CAMK2B: variants seen among roughly 807,000 people sequenced by gnomAD.
The protein encoded by CAMK2B is calcium/calmodulin dependent protein kinase II beta.
Under a neutral mutation model 93.7 loss-of-function variants are expected in CAMK2B, and 27 were observed. That is an observed-to-expected ratio of 0.29 (90% CI 0.21 to 0.40). CAMK2B has a LOEUF of 0.40. CAMK2B is among the 10% of genes least tolerant of loss of function. CAMK2B has a pLI of 1.00. For missense variants in CAMK2B, 568 were observed against 895.8 expected (o/e 0.63, Z 4.67); for synonymous variants, 374 against 358.8 (o/e 1.04, Z -0.48).
chr7:44,304,613 G>A (rs113202647), intron 1 of CAMK2B, among the ~76,000 whole-genome samples: 1,588 of 152,304 alleles, frequency 0.01, 10 homozygotes, highest in South Asian at 0.017. Context: ...GAGACAAATA[G>A]GTGGAGCACA....
chr7:44,246,435 CCA>C (rs1000050549), intron 6 of CAMK2B, among the ~76,000 whole-genome samples: 4 of 152,026 alleles, frequency 2.6e-5, no homozygotes, highest in South Asian at 2.1e-4. Flanking sequence ...ACACACATGC[CCA>C]CACAGACACA....
intron 1 of CAMK2B, among the ~76,000 whole-genome samples, chr7:44,321,861 G>A (rs1796156043): frequency 6.6e-6 from 1 of 152,214 alleles, no homozygotes. Context: ...CCTGAGGAAT[G>A]GCAGCACCCA....
intron 1 of CAMK2B, among the ~76,000 whole-genome samples, chr7:44,315,334 T>C (rs1309558841): frequency 6.6e-6 from 1 of 152,238 alleles, no homozygotes; most frequent in Admixed American, 6.5e-5. Flanking sequence ...GGACCGTTAT[T>C]CTTCTCCACT....
At chr7:44,244,961 G>C (rs1317750047) in intron 6 of CAMK2B, 1 of 456,012 alleles carries the variant, frequency 2.2e-6, no homozygotes, top group Non-Finnish European at 4.4e-6. Context: ...ACAGGCCACT[G>C]GACATGGTGA....
intron 2 of CAMK2B, among the ~76,000 whole-genome samples, chr7:44,277,424 G>A (rs1400829544): frequency 6.6e-6 from 1 of 152,192 alleles, no homozygotes; most frequent in African/African-American, 2.4e-5. Context: ...GTGTCCGCGT[G>A]GCCGAGTATT....
chr7:44,236,595 C>T (rs551933641), intron 13 of CAMK2B, among the ~76,000 whole-genome samples: 30 of 152,312 alleles, frequency 2.0e-4, no homozygotes, highest in Non-Finnish European at 3.5e-4. Flanking sequence ...TGAAAACCCT[C>T]CCCCTCGCTG....
At chr7:44,221,723 C>A (rs1272381160) in intron 20 of CAMK2B, among the ~76,000 whole-genome samples, 2 of 152,228 alleles carry the variant, frequency 1.3e-5, no homozygotes, top group African/African-American at 2.4e-5. Flanking sequence ...CCTGCCCGCC[C>A]CCCTTGGATT....
intron 1 of CAMK2B, among the ~76,000 whole-genome samples, chr7:44,294,698 T>G (rs1004378309): frequency 6.6e-6 from 1 of 152,222 alleles, no homozygotes; most frequent in Admixed American, 6.5e-5. Context: ...GCCAGCACCC[T>G]TCACCACTTT....
chr7:44,276,674 A>G (rs1411349724), intron 2 of CAMK2B, among the ~76,000 whole-genome samples: 4 of 152,162 alleles, frequency 2.6e-5, no homozygotes, highest in African/African-American at 9.7e-5. Flanking sequence ...GCAGGCAGGA[A>G]GAGGACAGTG....
intron 20 of CAMK2B, among the ~76,000 whole-genome samples, chr7:44,223,996 T>C (rs189096978): frequency 5.3e-5 from 8 of 152,374 alleles, no homozygotes; most frequent in Admixed American, 5.2e-4. Flanking sequence ...ATAGTCACCT[T>C]ACACTAATGG....
At chr7:44,254,395 G>C (rs1225892426) in intron 5 of CAMK2B, 147 bp downstream of exon 5, 3 of 643,654 alleles carry the variant, frequency 4.7e-6, no homozygotes, top group Non-Finnish European at 8.6e-6. Context: ...AGTTTCCTTT[G>C]GCTTCATGCC....
chr7:44,253,632 C>G (rs911633942), intron 5 of CAMK2B, among the ~76,000 whole-genome samples: 2 of 150,416 alleles, frequency 1.3e-5, no homozygotes, highest in Non-Finnish European at 3.0e-5. Context: ...GGGTCTTGCT[C>G]TGTCACCCAG....
chr7:44,272,659 G>C (rs2096985681), intron 2 of CAMK2B, among the ~76,000 whole-genome samples: 1 of 152,184 alleles, frequency 6.6e-6, no homozygotes, highest in African/African-American at 2.4e-5. Flanking sequence ...GACGGAGCTG[G>C]AGCCGAGGGC....
At chr7:44,300,549 T>C (rs1289735293) in intron 1 of CAMK2B, among the ~76,000 whole-genome samples, 1 of 151,832 alleles carries the variant, frequency 6.6e-6, no homozygotes. Context: ...GAGCATTACA[T>C]AATAATAAAA....
chr7:44,226,494 G>A (rs1316751186), intron 20 of CAMK2B, 22 bp downstream of exon 20: 6 of 1,389,902 alleles, frequency 4.3e-6, no homozygotes, highest in Non-Finnish European at 4.7e-6. Context: ...CCGCTGCCAC[G>A]GCCACTCAAG....
intron 2 of CAMK2B, among the ~76,000 whole-genome samples, chr7:44,283,069 G>A (rs1232521776): frequency 6.6e-6 from 1 of 152,190 alleles, no homozygotes; most frequent in Non-Finnish European, 1.5e-5. Flanking sequence ...CCACCTCAGT[G>A]AGGCAGCCCA....
At chr7:44,228,416 C>A (rs929832673) in intron 19 of CAMK2B, among the ~76,000 whole-genome samples, 1 of 152,034 alleles carries the variant, frequency 6.6e-6, no homozygotes, top group Admixed American at 6.5e-5. Flanking sequence ...TGGGCAGGGC[C>A]CCTGGGTGGG....
intron 20 of CAMK2B, among the ~76,000 whole-genome samples, chr7:44,222,713 G>C (rs184538020): frequency 1.3e-3 from 194 of 152,284 alleles, no homozygotes; most frequent in African/African-American, 4.5e-3. Flanking sequence ...CAAAGTGCTG[G>C]GATTACAGGT....
intron 1 of CAMK2B, among the ~76,000 whole-genome samples, chr7:44,319,664 G>A (rs991395073): frequency 6.6e-6 from 1 of 152,108 alleles, no homozygotes; most frequent in Admixed American, 6.5e-5. Flanking sequence ...CAACAGTTGG[G>A]CCCTCCTAAT....
Sources: allele counts gnomAD v4.1 joint callset (sites outside exome capture counted in the v4.1 genomes callset), GRCh38; gene constraint gnomAD v4.1.1; transcripts MANE v1.5; gene names NCBI Gene and HGNC (gene_info 2026-07-23, HGNC 2026-07-21).